The following DCAF5 variants were observed in gnomAD, a reference collection of about 807,000 sequenced individuals.
The protein encoded by DCAF5 is DDB1- and CUL4-associated factor 5.
In DCAF5, 9 loss-of-function variants were observed where a neutral mutation model predicts 80.7. The ratio of observed to expected loss-of-function variants is 0.11; its 90% CI spans 0.07 to 0.19. The LOEUF (loss-of-function observed/expected upper bound fraction) is 0.19, where lower values mean the gene tolerates loss of function less well. DCAF5 is among the 10% of genes least tolerant of loss of function. DCAF5 has a pLI of 1.00. For synonymous variants in DCAF5, 433 were observed against 461.9 expected, an observed-to-expected ratio of 0.94 and a Z score of 0.80; for missense variants, 842 against 1,205.7, an observed-to-expected ratio of 0.70 and a Z score of 4.47.
At chr14:69,080,233 G>A (rs544826508) in intron 6 of DCAF5, among the ~76,000 whole-genome samples, 1 of 152,202 alleles carries the variant, frequency 6.6e-6, no homozygotes, top group South Asian at 2.1e-4. Context: ...ATGCTGAAAG[G>A]ATCATCCCCT....
chr14:69,138,770 G>C (rs1465254032), intron 1 of DCAF5, among the ~76,000 whole-genome samples: 2 of 152,174 alleles, frequency 1.3e-5, no homozygotes, highest in African/African-American at 2.4e-5. Flanking sequence ...TAATTCTACA[G>C]AGACATCAGA....
Position 69,057,011 on chromosome 14 carries a change from G to A in DCAF5, c.1075-1400C>T, listed in dbSNP as rs947176125. On this transcript the variant is annotated intron_variant, in intron 8 of 8. Transcript: ENST00000341516. ...TCAAGGGATTGGTTTTCACTTTGGAGTGCACAAGAATCACCAGAAGAGCAA... is the reference window on the plus strand; with the variant it reads ...TCAAGGGATTGGTTTTCACTTTGGAATGCACAAGAATCACCAGAAGAGCAA... Among the ~76,000 whole-genome samples, 4 of 152,214 alleles carry A rather than the reference G, an allele frequency of 2.6e-5. No homozygotes were observed. In the South Asian group the frequency reaches 6.2e-4, roughly 24 times the overall value.
chr14:69,111,059 G>C (rs2040348298), intron 5 of DCAF5, among the ~76,000 whole-genome samples: 1 of 152,046 alleles, frequency 6.6e-6, no homozygotes, highest in Non-Finnish European at 1.5e-5. Flanking sequence ...GCTAATTCAG[G>C]GCAGCCTCAT....
At chr14:69,099,052 A>G (rs2039852591) in intron 5 of DCAF5, among the ~76,000 whole-genome samples, 1 of 152,014 alleles carries the variant, frequency 6.6e-6, no homozygotes, top group African/African-American at 2.4e-5. Context: ...AGAGATCGAG[A>G]CCATCCTGGC....
chr14:69,087,715 A>AT (rs1343769883), intron 6 of DCAF5, among the ~76,000 whole-genome samples: 1 of 152,226 alleles, frequency 6.6e-6, no homozygotes, highest in Non-Finnish European at 1.5e-5. Flanking sequence ...GAATGTATCT[A>AT]TCACAGCATC....
intron 5 of DCAF5, among the ~76,000 whole-genome samples, chr14:69,105,626 G>A (rs944938032): frequency 6.6e-6 from 1 of 151,942 alleles, no homozygotes; most frequent in African/African-American, 2.4e-5. Flanking sequence ...TCAGCTTGTT[G>A]ATGTTCCTTG....
At chr14:69,105,943 A>ATATATATATATATC (rs1223858774) in intron 5 of DCAF5, among the ~76,000 whole-genome samples, 4 of 74,170 alleles carry the variant, frequency 5.4e-5, no homozygotes, top group African/African-American at 1.1e-4. Flanking sequence ...ATATATATAT[A>ATATATATATATATC]TATCTCCTAT....
At chr14:69,101,840 T>C (rs2039963060) in intron 5 of DCAF5, among the ~76,000 whole-genome samples, 1 of 152,160 alleles carries the variant, frequency 6.6e-6, no homozygotes, top group Non-Finnish European at 1.5e-5. Flanking sequence ...AGTATTTGTG[T>C]ATCTAAACAT....
intron 1 of DCAF5, among the ~76,000 whole-genome samples, chr14:69,136,065 C>A (rs1031764458): frequency 2.0e-5 from 3 of 150,500 alleles, no homozygotes; most frequent in Non-Finnish European, 4.4e-5. Flanking sequence ...ATACAGTTAT[C>A]TAAGACATTA....
intron 1 of DCAF5, among the ~76,000 whole-genome samples, chr14:69,127,996 G>A (rs1356119309): frequency 1.3e-5 from 2 of 151,936 alleles, no homozygotes; most frequent in African/African-American, 4.8e-5. Context: ...TGGCATTATG[G>A]TTATGTTAAA....
chr14:69,143,803 TA>T (rs2041451075), intron 1 of DCAF5: 1 of 152,366 alleles, frequency 6.6e-6, no homozygotes, highest in South Asian at 2.1e-4. Flanking sequence ...GGATCATGGT[TA>T]TAAAAAAATC....
chr14:69,057,698 C>T (rs888627940), intron 8 of DCAF5, among the ~76,000 whole-genome samples: 1 of 152,160 alleles, frequency 6.6e-6, no homozygotes, highest in East Asian at 1.9e-4. Context: ...GAGTGAAACA[C>T]AGGATTAAGA....
At chr14:69,144,224 C>T (rs772774633) in intron 1 of DCAF5, among the ~76,000 whole-genome samples, 4 of 151,222 alleles carry the variant, frequency 2.6e-5, no homozygotes, top group East Asian at 1.9e-4. Flanking sequence ...GCCTGGCATA[C>T]GTTACAAGAT....
intron 5 of DCAF5, among the ~76,000 whole-genome samples, chr14:69,094,062 A>G (rs2139977452): frequency 6.6e-6 from 1 of 152,310 alleles, no homozygotes; most frequent in African/African-American, 2.4e-5. Flanking sequence ...TTTCAATCCA[A>G]CATCAGTATG....
chr14:69,152,636 C>T lies in DCAF5; in HGVS notation c.214+129G>A. 1.5e-6 allele frequency: 1 copy of T among 676,108 alleles called. No homozygotes were observed. The highest frequency in any genetic ancestry group is 2.5e-6 in the Non-Finnish European group (1 of 404,356). 41.9% of individuals were successfully genotyped at this position (676,108 alleles called of 1,614,324 possible). ...GTTTTAATTTGACACCAAACCTTCCCACCGCAGAAGGGGGTAGAGAAAGGG... is the reference window on the plus strand; with the variant it reads ...GTTTTAATTTGACACCAAACCTTCCTACCGCAGAAGGGGGTAGAGAAAGGG... On this transcript the variant is annotated intron_variant, in intron 1 of 8. Transcript: ENST00000341516. The surrounding 1 kb of genome is among the most constrained non-coding windows in gnomAD (Gnocchi z 4.1).
intron 1 of DCAF5, among the ~76,000 whole-genome samples, chr14:69,143,605 T>C (rs373984712): frequency 1.4e-5 from 2 of 140,916 alleles, no homozygotes; most frequent in African/African-American, 2.7e-5. Context: ...CAGCTGAACA[T>C]TGGGCGAGGC....
At chr14:69,112,546 TA>T (rs767521200) in intron 5 of DCAF5, among the ~76,000 whole-genome samples, 5 of 122,222 alleles carry the variant, frequency 4.1e-5, no homozygotes, top group Non-Finnish European at 7.0e-5. Flanking sequence ...AAATAAAAAC[TA>T]AAAAAAAGAA....
At chr14:69,113,969 T>C (rs2040457290) in intron 5 of DCAF5, among the ~76,000 whole-genome samples, 1 of 152,218 alleles carries the variant, frequency 6.6e-6, no homozygotes, top group Non-Finnish European at 1.5e-5. Context: ...ACTTTTCTCC[T>C]ATATGGGCTC....
intron 1 of DCAF5, among the ~76,000 whole-genome samples, chr14:69,134,811 C>T (rs532989081): frequency 6.6e-6 from 1 of 152,294 alleles, no homozygotes; most frequent in East Asian, 1.9e-4. Context: ...ACGATGCAGT[C>T]TCATAATACA....
Sources: allele counts gnomAD v4.1 joint callset (sites outside exome capture counted in the v4.1 genomes callset), GRCh38; gene constraint gnomAD v4.1.1; non-coding constraint Gnocchi (gnomAD v3.1); transcripts MANE v1.5; gene names NCBI Gene and HGNC (gene_info 2026-07-23, HGNC 2026-07-21).